The following ATP8A2 variants were observed in gnomAD, a reference collection of about 807,000 sequenced individuals.
The protein encoded by ATP8A2 is ATPase phospholipid transporting 8A2.
Under a neutral mutation model 165.6 loss-of-function variants are expected in ATP8A2, and 100 were observed. The observed-to-expected ratio is 0.60, with a 90% confidence interval of 0.51 to 0.71. The LOEUF is 0.71. Among genes scored for constraint, ATP8A2 ranks in the 30% least tolerant of loss-of-function variants. ATP8A2 has a pLI of 0.00. For synonymous variants in ATP8A2, 543 were observed against 548.8 expected (o/e 0.99, Z 0.15); for missense variants, 1,227 against 1,479.5 (o/e 0.83, Z 2.80).
intron 12 of ATP8A2, among the ~76,000 whole-genome samples, chr13:25,554,232 G>A (rs2038908692): frequency 6.6e-6 from 1 of 152,130 alleles, no homozygotes; most frequent in Non-Finnish European, 1.5e-5. Flanking sequence ...TGAAGAAAAG[G>A]CCTCTTGGGT....
chr13:25,705,180 A>G (rs2043031401), intron 25 of ATP8A2: 2 of 437,904 alleles, frequency 4.6e-6, no homozygotes, highest in African/African-American at 2.0e-5. Flanking sequence ...TTTTTGTCCA[A>G]ATGGAGATAA....
intron 30 of ATP8A2, among the ~76,000 whole-genome samples, chr13:25,858,599 G>T (rs1952239799): frequency 6.6e-6 from 1 of 152,114 alleles, no homozygotes. Context: ...CCATCATTAT[G>T]CTGTTTTAGG....
At chr13:25,567,156 C>T (rs1452779310) in intron 16 of ATP8A2, 2 of 333,346 alleles carry the variant, frequency 6.0e-6, no homozygotes. Context: ...ATTTCTGACT[C>T]TCACAGGTGT....
At chr13:25,871,161 T>G (rs1354157658) in intron 33 of ATP8A2, 1 of 397,344 alleles carries the variant, frequency 2.5e-6, no homozygotes, top group Non-Finnish European at 4.9e-6. Flanking sequence ...TTGTCATTCA[T>G]TCTGATGTTA....
intron 2 of ATP8A2, among the ~76,000 whole-genome samples, chr13:25,489,358 C>G (rs750980291): frequency 2.6e-5 from 4 of 152,140 alleles, no homozygotes; most frequent in Non-Finnish European, 4.4e-5. Flanking sequence ...CTGGAGGGCC[C>G]TGTTTTTCAG....
chr13:25,551,271 C>T, intron 10 of ATP8A2, 67 bp from the exon 11 acceptor site: 1 of 1,469,278 alleles, frequency 6.8e-7, no homozygotes, highest in Non-Finnish European at 9.3e-7. Flanking sequence ...GTTTTACCTC[C>T]TTTCCCCCAA....
intron 15 of ATP8A2, among the ~76,000 whole-genome samples, chr13:25,560,942 A>G (rs1041208307): frequency 6.7e-6 from 1 of 149,336 alleles, no homozygotes; most frequent in African/African-American, 2.5e-5. Flanking sequence ...GCTGGAGTGC[A>G]GTGGCATCAT....
chr13:25,534,002 T>C (rs1215997423), intron 6 of ATP8A2, among the ~76,000 whole-genome samples: 1 of 152,234 alleles, frequency 6.6e-6, no homozygotes, highest in Admixed American at 6.5e-5. Flanking sequence ...CCGATTAACA[T>C]GATTTCAAAA....
chr13:25,394,300 G>C (rs1447947653), intron 1 of ATP8A2, among the ~76,000 whole-genome samples: 1 of 152,220 alleles, frequency 6.6e-6, no homozygotes, highest in East Asian at 1.9e-4. Context: ...CAGTGATGCA[G>C]GGAAGTTGGA....
intron 4 of ATP8A2, among the ~76,000 whole-genome samples, chr13:25,531,137 GTA>G (rs1555291003): frequency 2.8e-4 from 38 of 135,524 alleles, no homozygotes; most frequent in East Asian, 6.0e-4. Context: ...GTGTGTGTGT[GTA>G]TATATATGTT....
chr13:25,909,821 G>A (rs187020010), intron 33 of ATP8A2, among the ~76,000 whole-genome samples: 23 of 152,032 alleles, frequency 1.5e-4, no homozygotes, highest in Middle Eastern at 3.4e-3. Context: ...CAACTCAGCC[G>A]GTTATATCCA....
intron 24 of ATP8A2, among the ~76,000 whole-genome samples, chr13:25,648,678 CA>C (rs1201971059): frequency 2.0e-5 from 3 of 152,170 alleles, no homozygotes; most frequent in East Asian, 3.9e-4. Flanking sequence ...CAAAACAAAA[CA>C]AAACAAAAAT....
chr13:25,576,765 G>A (rs2039630149), intron 19 of ATP8A2, among the ~76,000 whole-genome samples: 1 of 152,192 alleles, frequency 6.6e-6, no homozygotes, highest in South Asian at 2.1e-4. Context: ...AGAGAGTAGA[G>A]TCAGAAGTCA....
chr13:26,020,071 G>T lies in ATP8A2; in HGVS notation c.*86G>T. 2.0e-6 allele frequency: 2 copies of T among 980,782 alleles called. No individual in the cohort carries two copies. The highest frequency in any genetic ancestry group is 3.9e-5 in the Admixed American group (2 of 51,216). The allele number at this position is 980,782 out of a possible 1,614,324, so 60.8% of individuals were successfully genotyped here. A position where few individuals can be genotyped will look rare whatever the true frequency, so the allele number is the denominator to read the frequency against. On this transcript the variant is annotated 3_prime_UTR_variant, in exon 37 of 37. Coordinates refer to ENST00000381655, the MANE Select transcript of ATP8A2 (RefSeq NM_016529.6). ...CACATCTTTGTCAGAGAAGACTGGCGTCAGCAGCCAAAACACCAGGAAACA... is the reference window on the plus strand; with the variant it reads ...CACATCTTTGTCAGAGAAGACTGGCTTCAGCAGCCAAAACACCAGGAAACA...
At chr13:25,847,351 T>C (rs1044844197) in intron 30 of ATP8A2, among the ~76,000 whole-genome samples, 1 of 152,250 alleles carries the variant, frequency 6.6e-6, no homozygotes, top group Non-Finnish European at 1.5e-5. Flanking sequence ...ACCGCAGTTA[T>C]GAACTGCGGT....
At chr13:25,817,976 C>T (rs1239387898) in intron 27 of ATP8A2, among the ~76,000 whole-genome samples, 2 of 152,150 alleles carry the variant, frequency 1.3e-5, no homozygotes, top group African/African-American at 4.8e-5. Context: ...CCACTGTACC[C>T]AGCCTCAAGT....
chr13:25,690,450 C>T (rs1053307851), intron 24 of ATP8A2, among the ~76,000 whole-genome samples: 1 of 151,452 alleles, frequency 6.6e-6, no homozygotes, highest in Non-Finnish European at 1.5e-5. Flanking sequence ...TGCAAGAGAG[C>T]TTCTTAGACA....
intron 33 of ATP8A2, among the ~76,000 whole-genome samples, chr13:25,875,262 A>C (rs1952794294): frequency 6.6e-6 from 1 of 152,018 alleles, no homozygotes; most frequent in African/African-American, 2.4e-5. Flanking sequence ...CAATTTTAAA[A>C]ATGTACGTTT....
intron 1 of ATP8A2, among the ~76,000 whole-genome samples, chr13:25,430,517 G>A (rs2034579513): frequency 6.6e-6 from 1 of 152,198 alleles, no homozygotes; most frequent in Admixed American, 6.5e-5. Flanking sequence ...GTAGTCGACT[G>A]AGGAGTGAAT....
Sources: allele counts gnomAD v4.1 joint callset (sites outside exome capture counted in the v4.1 genomes callset), GRCh38; gene constraint gnomAD v4.1.1; transcripts MANE v1.5; gene names NCBI Gene and HGNC (gene_info 2026-07-23, HGNC 2026-07-21).